GAS2: variants seen among roughly 807,000 people sequenced by gnomAD.
GAS2 encodes growth arrest specific 2.
In GAS2, 20 loss-of-function variants were observed where a neutral mutation model predicts 37.5. The ratio of observed to expected loss-of-function variants is 0.53; its 90% confidence interval spans 0.37 to 0.77. The LOEUF is 0.77. Among genes scored for constraint, GAS2 ranks in the 30% least tolerant of loss-of-function variants. GAS2 has a pLI of 0.00. For synonymous variants in GAS2, 144 were observed against 132.2 expected, an observed-to-expected ratio of 1.09 and a Z score of -0.61; for missense variants, 336 against 373.4, an observed-to-expected ratio of 0.90 and a Z score of 0.82.
chr11:22,685,137 G>C (rs977969701), intron 2 of GAS2, among the ~76,000 whole-genome samples: 1 of 146,630 alleles, frequency 6.8e-6, no homozygotes, highest in Admixed American at 6.6e-5. Flanking sequence ...CTGCACTCCA[G>C]ATTGCGTGAC....
At chr11:22,775,003 A>G (rs1855179722) in intron 7 of GAS2, among the ~76,000 whole-genome samples, 1 of 152,090 alleles carries the variant, frequency 6.6e-6, no homozygotes, top group Admixed American at 6.6e-5. Context: ...TCAGAACTGT[A>G]GAAGTGCAGC....
chr11:22,675,610 G>A (rs1238624678), intron 2 of GAS2, among the ~76,000 whole-genome samples: 1 of 152,056 alleles, frequency 6.6e-6, no homozygotes, highest in Non-Finnish European at 1.5e-5. Context: ...TTTTGTTGCT[G>A]TTGTGCTTTC....
chr11:22,644,347 C>A (rs1848663929), intron 1 of GAS2, among the ~76,000 whole-genome samples: 1 of 151,906 alleles, frequency 6.6e-6, no homozygotes, highest in African/African-American at 2.4e-5. Flanking sequence ...TTTTTCATTG[C>A]AATATCACAG....
intron 5 of GAS2, among the ~76,000 whole-genome samples, chr11:22,743,737 A>T (rs940438946): frequency 6.6e-6 from 1 of 152,024 alleles, no homozygotes; most frequent in Non-Finnish European, 1.5e-5. Context: ...TATAAAGGAA[A>T]TAGAAGAATA....
In GAS2 at chr11:22,670,592, C is replaced by T. The variant is rs150567172; in HGVS notation, c.-21+3693C>T. ...ATAGAAGTTTTATTTTGGCACATTT[C>T]TGATGGTGATCATTTCTATTTTGCT... On this transcript the variant is annotated intron_variant, in intron 1 of 7. Transcript: ENST00000454584. 8.5e-4 allele frequency among the ~76,000 whole-genome samples: 130 copies of T among 152,206 alleles called. 1 individual carries two copies. Among genetic ancestry groups the T allele is most frequent in the African/African-American group, 3.1e-3 (128 of 41,544 alleles).
chr11:22,755,339 G>A (rs1352139867), intron 6 of GAS2, among the ~76,000 whole-genome samples: 1 of 151,912 alleles, frequency 6.6e-6, no homozygotes. Context: ...AAATCTTAGA[G>A]TTCAAAATAA....
chr11:22,765,316 C>A (rs763561421), intron 7 of GAS2, among the ~76,000 whole-genome samples: 5 of 152,086 alleles, frequency 3.3e-5, no homozygotes, highest in African/African-American at 1.2e-4. Flanking sequence ...AGAGTTGAAC[C>A]GGTCCACTGA....
intron 4 of GAS2, among the ~76,000 whole-genome samples, chr11:22,728,703 C>T (rs767091741): frequency 2.0e-5 from 3 of 151,544 alleles, no homozygotes; most frequent in Non-Finnish European, 2.9e-5. Context: ...GAATAGAACC[C>T]AAAGTGATAT....
chr11:22,697,684 G>A (rs1000159739), intron 3 of GAS2, among the ~76,000 whole-genome samples: 1 of 152,066 alleles, frequency 6.6e-6, no homozygotes, highest in African/African-American at 2.4e-5. Flanking sequence ...GGATTCCTAG[G>A]TATTTTATTC....
At chr11:22,769,542 A>G (rs2134418061) in intron 7 of GAS2, among the ~76,000 whole-genome samples, 1 of 152,246 alleles carries the variant, frequency 6.6e-6, no homozygotes, top group South Asian at 2.1e-4. Context: ...TGAAGATGAA[A>G]TATTCTAAAG....
At chr11:22,665,103 A>T (rs1848962756), upstream of GAS2, among the ~76,000 whole-genome samples, 1 of 151,962 alleles carries the variant, frequency 6.6e-6, no homozygotes. Context: ...TTTTCCCCAA[A>T]CTGTATTTAG....
At chr11:22,642,133 T>C (rs1370712385) in intron 1 of GAS2, among the ~76,000 whole-genome samples, 6 of 152,152 alleles carry the variant, frequency 3.9e-5, no homozygotes, top group Non-Finnish European at 5.9e-5. Flanking sequence ...ATATCTGTTA[T>C]AAAGCAATGT....
intron 2 of GAS2, among the ~76,000 whole-genome samples, chr11:22,675,315 C>A (rs533301611): frequency 1.3e-5 from 2 of 152,160 alleles, no homozygotes; most frequent in Non-Finnish European, 2.9e-5. Context: ...TTTCATGCAG[C>A]TGACCAATTT....
At chr11:22,789,607 G>A (rs1405003711) in intron 7 of GAS2, among the ~76,000 whole-genome samples, 3 of 148,286 alleles carry the variant, frequency 2.0e-5, no homozygotes, top group Admixed American at 6.7e-5. Context: ...GACTACAGGC[G>A]CCCGCCACCA....
chr11:22,658,722 A>C (rs1848883026), intron 1 of GAS2, among the ~76,000 whole-genome samples: 1 of 152,206 alleles, frequency 6.6e-6, no homozygotes, highest in Non-Finnish European at 1.5e-5. Context: ...TTTTTAGAAC[A>C]TGGGCATACT....
chr11:22,776,317 T>G (rs1855252431), intron 7 of GAS2, among the ~76,000 whole-genome samples: 1 of 152,202 alleles, frequency 6.6e-6, no homozygotes, highest in Non-Finnish European at 1.5e-5. Flanking sequence ...TGAATTTGCG[T>G]GGTGGCTGTG....
intron 5 of GAS2, among the ~76,000 whole-genome samples, chr11:22,748,784 C>T (rs1386604302): frequency 6.6e-6 from 1 of 152,014 alleles, no homozygotes; most frequent in Non-Finnish European, 1.5e-5. Context: ...GCACTAGTAT[C>T]AGTAAACCTG....
chr11:22,810,563 T>G (rs1189494575), intron 7 of GAS2, among the ~76,000 whole-genome samples: 1 of 152,244 alleles, frequency 6.6e-6, no homozygotes, highest in East Asian at 1.9e-4. Flanking sequence ...ATACATTTAA[T>G]TCTTATAAAT....
At chr11:22,637,081 TATA>T (rs1371254043) in intron 1 of GAS2, among the ~76,000 whole-genome samples, 8 of 132,118 alleles carry the variant, frequency 6.1e-5, no homozygotes, top group Admixed American at 1.6e-4. Context: ...ATTATATTAA[TATA>T]ATAAGTAATA....
Sources: allele counts gnomAD v4.1 joint callset (sites outside exome capture counted in the v4.1 genomes callset), GRCh38; gene constraint gnomAD v4.1.1; transcripts MANE v1.5; gene names NCBI Gene and HGNC (gene_info 2026-07-23, HGNC 2026-07-21).